MTFR1: variants seen among roughly 807,000 people sequenced by gnomAD.
MTFR1 encodes chondrocyte protein with a poly-proline region.
A neutral mutation model predicts 38.8 loss-of-function variants in MTFR1; 28 were observed. The observed-to-expected ratio is 0.72, with a 90% CI of 0.53 to 0.99. The LOEUF (loss-of-function observed/expected upper bound fraction) is 0.99, where lower values mean the gene tolerates loss of function less well. Ranked by LOEUF, MTFR1 falls within the 50% of genes least tolerant of loss-of-function variation. MTFR1 has a pLI of 0.00. For synonymous variants in MTFR1, 145 were observed against 137.0 expected (o/e 1.06, Z -0.41); for missense variants, 358 against 395.5 (o/e 0.91, Z 0.81).
At chr8:65,646,438 C>CA (rs1224085413) in intron 1 of MTFR1, among the ~76,000 whole-genome samples, 4 of 150,724 alleles carry the variant, frequency 2.7e-5, no homozygotes, top group Admixed American at 2.6e-4. Context: ...AGCCACAAAT[C>CA]AGTAATGGAA....
At chr8:65,721,452 G>A (rs1467905761) in intron 3 of MTFR1, among the ~76,000 whole-genome samples, 1 of 152,182 alleles carries the variant, frequency 6.6e-6, no homozygotes, top group Non-Finnish European at 1.5e-5. Flanking sequence ...GCTGTTAACT[G>A]CATGAAGTGG....
intron 1 of MTFR1, among the ~76,000 whole-genome samples, chr8:65,646,127 T>TG (rs1339261257): frequency 6.6e-6 from 1 of 152,218 alleles, no homozygotes; most frequent in East Asian, 1.9e-4. Context: ...GTATTGATAA[T>TG]TTCTATTTGT....
At chr8:65,715,923 G>C (rs1467391976) in intron 2 of MTFR1, among the ~76,000 whole-genome samples, 1 of 148,400 alleles carries the variant, frequency 6.7e-6, no homozygotes, top group Non-Finnish European at 1.5e-5. Context: ...CGTGAACCCG[G>C]GAGGCGGAAC....
intron 3 of MTFR1, among the ~76,000 whole-genome samples, chr8:65,766,538 G>A (rs1433417801): frequency 6.6e-6 from 1 of 152,206 alleles, no homozygotes; most frequent in Non-Finnish European, 1.5e-5. Flanking sequence ...GAGCAAGGGA[G>A]CCTGTTAGAA....
At chr8:65,705,030 G>GA in intron 5 of MTFR1, 101 bp downstream of exon 5, 1 of 1,053,894 alleles carries the variant, frequency 9.5e-7, no homozygotes, top group South Asian at 1.6e-5. Flanking sequence ...GGGGTTCTTA[G>GA]AAAACCAGGT....
intron 3 of MTFR1, chr8:65,726,739 A>G (rs535098608): frequency 1.7e-4 from 91 of 538,572 alleles, no homozygotes; most frequent in African/African-American, 1.6e-3. Flanking sequence ...AAAATTGTAT[A>G]TAATTTATTA....
intron 1 of MTFR1, among the ~76,000 whole-genome samples, chr8:65,651,706 T>C (rs1809127817): frequency 6.6e-6 from 1 of 152,226 alleles, no homozygotes; most frequent in Non-Finnish European, 1.5e-5. Flanking sequence ...ACTATAGCCC[T>C]GTAGTATAAT....
At chr8:65,765,972 G>T in intron 3 of MTFR1, among the ~76,000 whole-genome samples, 1 of 152,156 alleles carries the variant, frequency 6.6e-6, no homozygotes, top group Non-Finnish European at 1.5e-5. Context: ...TTGAGATGGA[G>T]TGTCACTCTG....
chr8:65,742,063 A>G (rs1369091424), intron 3 of MTFR1, among the ~76,000 whole-genome samples: 1 of 152,262 alleles, frequency 6.6e-6, no homozygotes, highest in Non-Finnish European at 1.5e-5. Context: ...AGTCAACAAA[A>G]TATTTCAAAA....
intron 4 of MTFR1, among the ~76,000 whole-genome samples, chr8:65,701,837 G>A (rs923046792): frequency 2.6e-5 from 4 of 152,118 alleles, no homozygotes; most frequent in Non-Finnish European, 5.9e-5. Context: ...AAGCAGGCTG[G>A]CTCCACAGTG....
chr8:65,742,183 C>A (rs1003828778), intron 3 of MTFR1, among the ~76,000 whole-genome samples: 3 of 152,146 alleles, frequency 2.0e-5, no homozygotes, highest in African/African-American at 7.2e-5. Context: ...AGAAAAGCTA[C>A]CCACATAAAA....
chr8:65,685,853 T>G (rs894583606), intron 3 of MTFR1, among the ~76,000 whole-genome samples: 1 of 152,200 alleles, frequency 6.6e-6, no homozygotes, highest in Non-Finnish European at 1.5e-5. Flanking sequence ...GGAAGGTCTC[T>G]CTAAAGGAAT....
At chr8:65,667,303 T>TTC (rs1247006877) in intron 1 of MTFR1, among the ~76,000 whole-genome samples, 1 of 151,340 alleles carries the variant, frequency 6.6e-6, no homozygotes, top group Non-Finnish European at 1.5e-5. Context: ...AGTTAGAACT[T>TTC]TCCATCATGT....
chr8:65,715,172 T>A (rs906904085), downstream of MTFR1, among the ~76,000 whole-genome samples: 22 of 152,274 alleles, frequency 1.4e-4, no homozygotes, highest in African/African-American at 4.8e-4. Flanking sequence ...AAAAAAGTAA[T>A]CTTTTAAATA....
chr8:65,727,258 A>G (rs1806649501), intron 3 of MTFR1: 2 of 1,613,860 alleles, frequency 1.2e-6, no homozygotes, highest in Non-Finnish European at 1.7e-6. Context: ...GGCAGCTGCA[A>G]TTAAGCTCAG....
downstream of MTFR1, among the ~76,000 whole-genome samples, chr8:65,713,141 A>C (rs1352158945): frequency 6.6e-6 from 1 of 152,190 alleles, no homozygotes; most frequent in Non-Finnish European, 1.5e-5. Context: ...CAAGAAATCT[A>C]ATATTAAAAA....
intron 2 of MTFR1, among the ~76,000 whole-genome samples, chr8:65,673,472 C>T (rs917218394): frequency 6.6e-6 from 1 of 151,594 alleles, no homozygotes; most frequent in Non-Finnish European, 1.5e-5. Context: ...ACAATGCATG[C>T]GTTGTCCTGA....
chr8:65,769,509 C>T (rs977105872), intron 3 of MTFR1, among the ~76,000 whole-genome samples: 28 of 152,248 alleles, frequency 1.8e-4, no homozygotes, highest in African/African-American at 5.5e-4. Flanking sequence ...ACCACGAATA[C>T]AAGTTAGTTT....
chr8:65,734,519 C>T (rs1450870272), intron 3 of MTFR1, among the ~76,000 whole-genome samples: 1 of 152,152 alleles, frequency 6.6e-6, no homozygotes, highest in East Asian at 1.9e-4. Context: ...ACATGGAGCC[C>T]ATGTGGAGCT....
Sources: allele counts gnomAD v4.1 joint callset (sites outside exome capture counted in the v4.1 genomes callset), GRCh38; gene constraint gnomAD v4.1.1; transcripts MANE v1.5; gene names NCBI Gene and HGNC (gene_info 2026-07-23, HGNC 2026-07-21).